GPC3: variants seen among roughly 807,000 people sequenced by gnomAD.
GPC3 encodes the protein glypican-3.
In GPC3, 3 loss-of-function variants were observed where a neutral mutation model predicts 34.4. The observed-to-expected ratio is 0.09, with a 90% CI of 0.04 to 0.23. The LOEUF is 0.23. Among genes scored for constraint, GPC3 ranks in the 10% least tolerant of loss-of-function variants. GPC3 has a pLI of 1.00. For synonymous variants in GPC3, 177 were observed against 174.0 expected (o/e 1.02, Z -0.13); for missense variants, 351 against 445.6 (o/e 0.79, Z 1.91).
chrX:133,669,866 T>C (rs7887761), intron 5 of GPC3, among the ~76,000 whole-genome samples: 4,615 of 111,793 alleles, frequency 0.041, 241 homozygotes, highest in African/African-American at 0.14. Flanking sequence ...TCCAGTTTGG[T>C]AACTGTTTAG....
intron 2 of GPC3, among the ~76,000 whole-genome samples, chrX:133,927,432 C>T (rs1034192213): frequency 9.1e-6 from 1 of 110,022 alleles, no homozygotes; most frequent in African/African-American, 3.3e-5. Flanking sequence ...GTGTATGCAG[C>T]TGACAATATA....
chrX:133,755,869 C>T (rs1219848913), intron 2 of GPC3, among the ~76,000 whole-genome samples: 1 of 111,981 alleles, frequency 8.9e-6, no homozygotes, highest in Non-Finnish European at 1.9e-5. Flanking sequence ...TTATCTAGCC[C>T]AATACAGAGG....
At chrX:133,814,952 T>C (rs1377373406) in intron 2 of GPC3, among the ~76,000 whole-genome samples, 7 of 111,002 alleles carry the variant, frequency 6.3e-5, no homozygotes, top group African/African-American at 2.3e-4. Flanking sequence ...CATGATTGAA[T>C]TGTCAATAGA....
chrX:133,762,454 C>T (rs1039778973), intron 2 of GPC3, among the ~76,000 whole-genome samples: 4 of 111,937 alleles, frequency 3.6e-5, no homozygotes, highest in Non-Finnish European at 3.8e-5. Context: ...AGAAAATATT[C>T]GCAAACTATG....
intron 2 of GPC3, among the ~76,000 whole-genome samples, chrX:133,865,333 G>T (rs1383897275): frequency 8.9e-6 from 1 of 111,845 alleles, no homozygotes; most frequent in Admixed American, 9.5e-5. Context: ...TTATACTATT[G>T]CAGGTGGTAT....
At chrX:133,934,616 G>A (rs1230388174) in intron 2 of GPC3, among the ~76,000 whole-genome samples, 1 of 109,669 alleles carries the variant, frequency 9.1e-6, no homozygotes, top group Non-Finnish European at 1.9e-5. Flanking sequence ...AGGCTCAGGG[G>A]ATCCCCTACC....
intron 1 of GPC3, among the ~76,000 whole-genome samples, chrX:133,976,824 A>G (rs1411115910): frequency 1.8e-5 from 2 of 109,907 alleles, no homozygotes; most frequent in African/African-American, 6.6e-5. Context: ...TAGCTGAGGC[A>G]GTAGAATCTC....
chrX:133,621,201 G>A (rs187193924), intron 6 of GPC3, among the ~76,000 whole-genome samples: 10 of 111,652 alleles, frequency 9.0e-5, no homozygotes, highest in East Asian at 5.7e-4. Flanking sequence ...CAAGATGGCC[G>A]AATAGGAACA....
At chrX:133,977,914 G>A (rs922717268) in intron 1 of GPC3, among the ~76,000 whole-genome samples, 17 of 111,185 alleles carry the variant, frequency 1.5e-4, no homozygotes, top group Non-Finnish European at 3.0e-4. Context: ...ATTCACTTTG[G>A]ATTATGTCCT....
chrX:133,971,111 A>G (rs2076490829), intron 1 of GPC3, among the ~76,000 whole-genome samples: 1 of 112,243 alleles, frequency 8.9e-6, no homozygotes, highest in Non-Finnish European at 1.9e-5. Context: ...TTATCTTCAG[A>G]AAAAAGGAAA....
In GPC3 at chrX:133,954,738, CTTTTTTTTTTTT is replaced by C. The variant is rs1166218378; in HGVS notation, c.176-1539_176-1528del. On this transcript the variant is annotated intron_variant, in intron 1 of 7. Transcript: ENST00000370818. ...AACTTCTGTCTTACTCAAACTTTCT[CTTTTTTTTTTTT>C]TTTTTTTTTTTTTTGAGATGGAGTT... Among the ~76,000 whole-genome samples the C allele has an allele frequency of 2.2e-4, 12 of 53,774 alleles. 1 individual carries two copies. In the East Asian group the frequency reaches 9.6e-3, roughly 43 times the overall value. The allele number at this position is 53,774 out of a possible 115,157, so 46.7% of individuals were successfully genotyped here.
intron 2 of GPC3, among the ~76,000 whole-genome samples, chrX:133,813,665 A>T (rs969603355): frequency 8.9e-6 from 1 of 112,637 alleles, no homozygotes; most frequent in African/African-American, 3.2e-5. Flanking sequence ...ACATCAGGTG[A>T]CATTCCTGAT....
intron 7 of GPC3, among the ~76,000 whole-genome samples, chrX:133,570,978 G>A (rs1055757203): frequency 2.7e-5 from 3 of 111,219 alleles, no homozygotes; most frequent in Admixed American, 9.5e-5. Flanking sequence ...TTTTATTATC[G>A]CACAGCTTTA....
chrX:133,704,137 C>G, intron 3 of GPC3: 3 of 638,139 alleles, frequency 4.7e-6, no homozygotes, highest in Non-Finnish European at 6.6e-6. Flanking sequence ...ACCTGGCCTA[C>G]CACCCCACTT....
chrX:133,829,913 C>T (rs2075767187), intron 2 of GPC3, among the ~76,000 whole-genome samples: 1 of 111,717 alleles, frequency 9.0e-6, no homozygotes, highest in South Asian at 3.8e-4. Flanking sequence ...ACAGACTTTA[C>T]ATAGTAAAGA....
intron 6 of GPC3, among the ~76,000 whole-genome samples, chrX:133,632,123 A>G (rs1474019814): frequency 9.1e-6 from 1 of 109,470 alleles, no homozygotes; most frequent in African/African-American, 3.5e-5. Context: ...TTTTTGAGAC[A>G]GTGTCTCCCT....
chrX:133,607,584 T>G (rs974973869), intron 6 of GPC3, among the ~76,000 whole-genome samples: 1 of 112,175 alleles, frequency 8.9e-6, no homozygotes, highest in African/African-American at 3.2e-5. Flanking sequence ...TTGACTTGAT[T>G]TTTTTCCAAC....
At chrX:133,937,868 A>G (rs182796912) in intron 2 of GPC3, among the ~76,000 whole-genome samples, 9 of 112,214 alleles carry the variant, frequency 8.0e-5, no homozygotes, top group Non-Finnish European at 1.7e-4. Flanking sequence ...CTCATGGTCA[A>G]CTAAGCTTAT....
chrX:133,977,181 T>C (rs1376718093), intron 1 of GPC3, among the ~76,000 whole-genome samples: 3 of 111,036 alleles, frequency 2.7e-5, no homozygotes, highest in Non-Finnish European at 3.8e-5. Flanking sequence ...TCCAACTAAT[T>C]AATCAATCCA....
Sources: allele counts gnomAD v4.1 joint callset (sites outside exome capture counted in the v4.1 genomes callset), GRCh38; gene constraint gnomAD v4.1.1; transcripts MANE v1.5; gene names NCBI Gene and HGNC (gene_info 2026-07-23, HGNC 2026-07-21).